TTI1: variants seen among roughly 807,000 people sequenced by gnomAD.
TTI1 encodes the protein TELO2 interacting protein 1.
Under a neutral mutation model 85.4 loss-of-function variants are expected in TTI1, and 52 were observed. That is an observed-to-expected ratio of 0.61 (90% CI 0.49 to 0.77). The LOEUF is 0.77. TTI1 is among the 30% of genes least tolerant of loss of function. The probability of loss-of-function intolerance (pLI) is 0.00; values close to 1 mark genes in which losing one functional copy is unlikely to be tolerated. For missense variants in TTI1, 1,173 were observed against 1,296.0 expected (o/e 0.91, Z 1.46); for synonymous variants, 512 against 503.9 (o/e 1.02, Z -0.22).
chr20:38,030,528 A>AACACACACAC (rs3038751), intron 1 of TTI1, among the ~76,000 whole-genome samples: 7,162 of 144,854 alleles, frequency 0.049, 188 homozygotes, highest in African/African-American at 0.075. Flanking sequence ...CAGTATGTAA[A>AACACACACAC]ACACACACAC....
At chr20:37,997,565 A>G (rs948522522) in intron 5 of TTI1, among the ~76,000 whole-genome samples, 6 of 152,220 alleles carry the variant, frequency 3.9e-5, no homozygotes, top group Admixed American at 1.3e-4. Flanking sequence ...GTCTTGTTTT[A>G]AACTTTCTCT....
intron 3 of TTI1, among the ~76,000 whole-genome samples, chr20:38,004,155 T>C (rs1189301263): frequency 2.0e-5 from 3 of 152,222 alleles, no homozygotes; most frequent in Non-Finnish European, 4.4e-5. Flanking sequence ...CCAGTCATTA[T>C]CATTCTCACT....
intron 1 of TTI1, among the ~76,000 whole-genome samples, chr20:38,021,710 A>G (rs1299977161): frequency 6.6e-6 from 1 of 152,138 alleles, no homozygotes; most frequent in Non-Finnish European, 1.5e-5. Flanking sequence ...GAGAGGTGGG[A>G]GATGAGATCT....
intron 7 of TTI1, among the ~76,000 whole-genome samples, chr20:37,991,779 C>G (rs1458789320): frequency 6.6e-6 from 1 of 152,124 alleles, no homozygotes; most frequent in Non-Finnish European, 1.5e-5. Context: ...GTAAATATAC[C>G]TTCAGAACAT....
At chr20:37,987,474 C>A (rs765820240) in intron 7 of TTI1, 6 of 383,942 alleles carry the variant, frequency 1.6e-5, no homozygotes, top group South Asian at 1.2e-4. Context: ...TATATGTACA[C>A]CATTTAACTC....
At chr20:38,032,172 C>T (rs575115100) in intron 1 of TTI1, among the ~76,000 whole-genome samples, 1 of 152,310 alleles carries the variant, frequency 6.6e-6, no homozygotes, top group South Asian at 2.1e-4. Flanking sequence ...CTCTCTGAGC[C>T]TGTTTCCTAC....
intron 1 of TTI1, 117 bp from the exon 2 acceptor site, chr20:38,013,974 G>C (rs774616515): frequency 1.4e-5 from 14 of 1,016,970 alleles, no homozygotes; most frequent in Non-Finnish European, 1.4e-6. Context: ...CACTGCACAA[G>C]GCACTAGGGG....
intron 3 of TTI1, among the ~76,000 whole-genome samples, chr20:38,003,782 G>C (rs1479000362): frequency 3.9e-5 from 6 of 151,978 alleles, no homozygotes. Flanking sequence ...AGAGATAGCA[G>C]GGTTCTCGTG....
intron 7 of TTI1, among the ~76,000 whole-genome samples, chr20:37,989,161 C>T (rs536867558): frequency 1.4e-4 from 21 of 152,284 alleles, no homozygotes; most frequent in Non-Finnish European, 2.9e-4. Flanking sequence ...CTTGAAGCAA[C>T]GATTTACTCT....
At chr20:38,003,666 C>T (rs1453361284) in intron 3 of TTI1, among the ~76,000 whole-genome samples, 1 of 151,158 alleles carries the variant, frequency 6.6e-6, no homozygotes, top group Non-Finnish European at 1.5e-5. Flanking sequence ...GCGGGAGAAT[C>T]GCTTGAACCC....
chr20:38,030,528 A>AACACACACACACACACACACAC (rs3038751), intron 1 of TTI1, among the ~76,000 whole-genome samples: 465 of 144,898 alleles, frequency 3.2e-3, no homozygotes, highest in African/African-American at 0.011. Flanking sequence ...CAGTATGTAA[A>AACACACACACACACACACACAC]ACACACACAC....
chr20:38,013,773 C>T lies in TTI1; in HGVS notation c.44G>A (p.Arg15His), dbSNP rs750447721. 1.2e-5 allele frequency: 20 copies of T among 1,614,012 alleles called. No individual in the cohort carries two copies. The Middle Eastern group carries it at 9.9e-4, about 80-fold the overall frequency. ...CTTTGTGAGCTGAACACAGACTGGA[C>T]GTAAGACACCAAAGGCCTCCTCAGG... is the stretch of plus-strand genomic sequence containing the variant. ...DTPEEAFGVL[R>H]PVCVQLTKTQ... Residue 15 changes from arginine (R) to histidine (H), a missense_variant, in exon 2 of 8, where the codon CGT becomes CAT. Physicochemically the swap from Arg to His is conservative, Grantham distance 29 (BLOSUM62 0). Transcript: ENST00000373447.
chr20:37,999,124 C>T (rs559900762), intron 5 of TTI1, 64 bp downstream of exon 5: 18 of 1,315,584 alleles, frequency 1.4e-5, no homozygotes, highest in East Asian at 1.1e-4. Flanking sequence ...CAAAAGGCCC[C>T]GGTGAGCTCT....
chr20:38,006,248 T>C lies in TTI1; in HGVS notation c.2452A>G (p.Lys818Glu). 1 of 1,614,176 alleles carries C rather than the reference T, an allele frequency of 6.2e-7. No individual in the cohort carries two copies. The highest frequency in any genetic ancestry group is 1.1e-5 in the South Asian group (1 of 91,084). Residue 818 changes from lysine to glutamate, a missense_variant, in exon 3 of 8, where the codon AAA (lysine) becomes GAA (glutamate). Transcript: ENST00000373447. ...TTTCCATCTGCCACATCCTTCTCTT[T>C]GAGGTAGTTCAGCAAAAACTGTTCG... is the stretch of plus-strand genomic sequence containing the variant. ...DIEQFLLNYL[K>E]EKDVADGNVS...
At chr20:37,997,064 A>T (rs1474938312) in intron 5 of TTI1, 111 bp from the exon 6 acceptor site, 1 of 1,203,920 alleles carries the variant, frequency 8.3e-7, no homozygotes, top group African/African-American at 1.5e-5. Flanking sequence ...GGAAAAAAAA[A>T]ATAGAATTAC....
chr20:38,011,422 TCA>T, intron 2 of TTI1, 91 bp downstream of exon 2: 1 of 1,407,438 alleles, frequency 7.1e-7, no homozygotes, highest in Non-Finnish European at 9.6e-7. Context: ...CTCCATAGCA[TCA>T]CCACAAACAA....
In TTI1 at chr20:37,990,632, C is replaced by T. The variant is rs568507535; in HGVS notation, c.3086+5743G>A. On this transcript the variant is annotated intron_variant, in intron 7 of 7. Transcript: ENST00000373447. ...CCCTGGCTACTTTATTTACTCAGTA[C>T]TGAGACAACATTTACTTCCACGCCT... 4.6e-5 allele frequency among the ~76,000 whole-genome samples: 7 copies of T among 152,302 alleles called. No individual in the cohort carries two copies. The East Asian group carries it at 1.3e-3, about 29-fold the overall frequency.
At chr20:38,006,724 T>A (rs2073506129) in intron 2 of TTI1, among the ~76,000 whole-genome samples, 1 of 152,252 alleles carries the variant, frequency 6.6e-6, no homozygotes, top group South Asian at 2.1e-4. Flanking sequence ...TTGACTCCCC[T>A]GTTTAACTTA....
At position 38,011,738 on chromosome 20, in the gene TTI1, T is replaced by C. The variant is rs1222253912; in HGVS notation, c.2079A>G (p.Gln693=). 5 of 1,614,104 alleles carry C rather than the reference T, an allele frequency of 3.1e-6. No homozygotes were observed. Among genetic ancestry groups the C allele is most frequent in the Non-Finnish European group, 3.4e-6 (4 of 1,180,048 alleles). The part of the protein sequence containing the change: ...GYDSLQHLIN[Q]NSDYLVNGIS... ...TCCCATTCACTAAATAGTCTGAATT[T>C]TGATTGATCAGGTGCTGCAGGGAGT... Residue 693 remains glutamine, a synonymous_variant, in exon 2 of 8, where the codon CAA becomes CAG. Coordinates refer to ENST00000373447, the MANE Select transcript of TTI1 (RefSeq NM_001303457.2).
Sources: gnomAD v4.1 joint callset for allele counts (sites outside exome capture counted in the v4.1 genomes callset) on GRCh38, gnomAD v4.1.1 for gene constraint, MANE v1.5 for transcripts, NCBI Gene and HGNC (gene_info 2026-07-23, HGNC 2026-07-21) for gene names.